RGS6: variants seen among roughly 807,000 people sequenced by gnomAD.
RGS6 encodes the protein regulator of G-protein signaling 6.
RGS6 carries 30 observed loss-of-function variants against 78.5 expected under a neutral mutation model. The observed-to-expected ratio is 0.38, with a 90% CI of 0.29 to 0.52. The LOEUF (loss-of-function observed/expected upper bound fraction) is 0.52. RGS6 is among the 20% of genes least tolerant of loss of function. The pLI, the probability that RGS6 is intolerant of heterozygous loss-of-function variation, is 0.85. For missense variants in RGS6, 495 were observed against 609.7 expected (o/e 0.81, Z 1.98); for synonymous variants, 206 against 206.0 (o/e 1.00, Z 0.00).
chr14:72,316,952 C>T (rs953823263), intron 2 of RGS6, among the ~76,000 whole-genome samples: 1 of 144,764 alleles, frequency 6.9e-6, no homozygotes, highest in Non-Finnish European at 1.5e-5. Context: ...ACATATCACT[C>T]AGGTCAATGT....
At chr14:72,615,434 C>T in the RGS6 span, among the ~76,000 whole-genome samples, 221 of 152,308 alleles carry the variant, frequency 1.5e-3, no homozygotes, top group Non-Finnish European at 2.8e-3. Context: ...ACTTTTTAAG[C>T]GGAGGGTTGA....
chr14:72,384,825 A>C (rs1029757491), intron 3 of RGS6, among the ~76,000 whole-genome samples: 1 of 152,220 alleles, frequency 6.6e-6, no homozygotes, highest in South Asian at 2.1e-4. Flanking sequence ...ATCTTGTCTC[A>C]CTGCAATCTC....
intron 1 of RGS6, among the ~76,000 whole-genome samples, chr14:71,935,751 G>A (rs572298116): frequency 2.0e-5 from 3 of 151,930 alleles, no homozygotes; most frequent in African/African-American, 7.2e-5. Context: ...TTCCCTAAAG[G>A]GCAAAAGGTA....
intron 2 of RGS6, among the ~76,000 whole-genome samples, chr14:72,316,842 G>A (rs887903369): frequency 1.3e-5 from 2 of 151,102 alleles, no homozygotes; most frequent in African/African-American, 4.9e-5. Flanking sequence ...TGGCCATCTG[G>A]TAGCTACTAG....
intron 6 of RGS6, among the ~76,000 whole-genome samples, chr14:72,461,650 C>T (rs1402442783): frequency 6.6e-6 from 1 of 152,024 alleles, no homozygotes; most frequent in East Asian, 1.9e-4. Context: ...TATGATTGTG[C>T]CACTGCCCTC....
intron 3 of RGS6, among the ~76,000 whole-genome samples, chr14:72,452,001 C>T (rs921847563): frequency 1.3e-5 from 2 of 152,184 alleles, no homozygotes; most frequent in South Asian, 2.1e-4. Flanking sequence ...CCACCCTCCT[C>T]GGTCTCCAAA....
chr14:72,399,670 A>G lies in RGS6; in HGVS notation c.184+47476A>G, dbSNP rs868422927. 6.8e-3 allele frequency among the ~76,000 whole-genome samples: 1,036 copies of G among 152,194 alleles called. 15 individuals carry two copies. Among genetic ancestry groups the G allele is most frequent in the African/African-American group, 0.024 (988 of 41,516 alleles). On this transcript the variant is annotated intron_variant, in intron 3 of 17. Transcript: ENST00000553525. The stretch of plus-strand genomic sequence containing the variant: ...GCATGTTTTTGCAGTGGCTGGTACC[A>G]GTTGTTCCTTTCCATGTTTAGTGCT...
At chr14:72,451,420 A>G (rs948119632) in intron 3 of RGS6, among the ~76,000 whole-genome samples, 6 of 152,292 alleles carry the variant, frequency 3.9e-5, no homozygotes, top group Non-Finnish European at 7.4e-5. Context: ...GGGGAGAACA[A>G]TTAGGCCAAA....
intron 3 of RGS6, among the ~76,000 whole-genome samples, chr14:72,362,612 T>C (rs774287962): frequency 2.0e-5 from 3 of 152,210 alleles, no homozygotes; most frequent in Admixed American, 6.5e-5. Context: ...ATAGGTTAGA[T>C]TGGGCTTCTT....
the RGS6 span, among the ~76,000 whole-genome samples, chr14:71,884,260 T>C: frequency 3.3e-5 from 5 of 152,324 alleles, no homozygotes; most frequent in Admixed American, 6.5e-5. Flanking sequence ...TGTGTCATGA[T>C]AGAATGTGGG....
At chr14:72,360,733 G>A (rs2081279601) in intron 3 of RGS6, among the ~76,000 whole-genome samples, 1 of 152,148 alleles carries the variant, frequency 6.6e-6, no homozygotes, top group Non-Finnish European at 1.5e-5. Context: ...AACTAGGAAA[G>A]TAGAGATTGA....
At chr14:72,482,913 C>A (rs2153376160) in intron 12 of RGS6, among the ~76,000 whole-genome samples, 1 of 152,298 alleles carries the variant, frequency 6.6e-6, no homozygotes, top group African/African-American at 2.4e-5. Flanking sequence ...GATCCTAAAG[C>A]AAGTGTGAAA....
At chr14:71,950,891 T>C (rs2092243089) in intron 1 of RGS6, among the ~76,000 whole-genome samples, 1 of 152,094 alleles carries the variant, frequency 6.6e-6, no homozygotes, top group Non-Finnish European at 1.5e-5. Context: ...ATGGTGATTA[T>C]TAAAAATTCA....
chr14:72,075,402 T>C (rs10467822), intron 2 of RGS6, among the ~76,000 whole-genome samples: 107,336 of 152,080 alleles, frequency 0.71, 38,006 homozygotes, highest in East Asian at 0.81. Flanking sequence ...AATTTTATGG[T>C]GTGTATGTAT....
intron 3 of RGS6, among the ~76,000 whole-genome samples, chr14:72,399,791 GC>G (rs2092111765): frequency 6.6e-6 from 1 of 152,022 alleles, no homozygotes; most frequent in South Asian, 2.1e-4. Context: ...CACTTATGAA[GC>G]TTAGTTTGAA....
In RGS6 at chr14:72,191,335, AC is replaced by A. The variant is rs1327289525; in HGVS notation, c.85-160759del. Among the ~76,000 whole-genome samples the A allele has an allele frequency of 7.2e-5, 11 of 152,342 alleles. No individual in the cohort carries two copies. The East Asian group carries it at 2.1e-3, about 29-fold the overall frequency. On this transcript the variant is annotated intron_variant, in intron 2 of 17. Coordinates refer to ENST00000553525, the MANE Select transcript of RGS6 (RefSeq NM_001204424.2). Reference sequence around the variant, plus strand: ...CACCATGCATGTGACTTGAGAGGCCACTGCAGCACGGCCAGGCCTCAGTGCA... The same window carrying A: ...CACCATGCATGTGACTTGAGAGGCCATGCAGCACGGCCAGGCCTCAGTGCA...
chr14:72,452,668 C>T (rs1171734881), intron 3 of RGS6, among the ~76,000 whole-genome samples: 1 of 152,230 alleles, frequency 6.6e-6, no homozygotes, highest in Non-Finnish European at 1.5e-5. Flanking sequence ...TCACCAAAGC[C>T]TCAGACCCAC....
At chr14:72,511,930 G>A (rs1045515498) in intron 14 of RGS6, 2 of 152,160 alleles carry the variant, frequency 1.3e-5, no homozygotes, top group African/African-American at 4.8e-5. Context: ...TGTAACAGAA[G>A]GCTTGACTTC....
chr14:71,890,801 G>T, the RGS6 span, among the ~76,000 whole-genome samples: 1 of 152,180 alleles, frequency 6.6e-6, no homozygotes, highest in Admixed American at 6.5e-5. Context: ...TTAGTGAAAA[G>T]GATTTAGCTC....
Sources: allele counts gnomAD v4.1 joint callset (sites outside exome capture counted in the v4.1 genomes callset), GRCh38; gene constraint gnomAD v4.1.1; transcripts MANE v1.5; gene names NCBI Gene and HGNC (gene_info 2026-07-23, HGNC 2026-07-21).